The following VWC2 variants were observed in gnomAD, a reference collection of about 807,000 sequenced individuals.
VWC2 encodes the protein brorin.
VWC2 carries 14 observed loss-of-function variants against 29.8 expected under a neutral mutation model. The ratio of observed to expected loss-of-function variants is 0.47; its 90% CI spans 0.31 to 0.74. The LOEUF is 0.74. Ranked by LOEUF, VWC2 falls within the 30% of genes least tolerant of loss-of-function variation. The pLI is 0.05. For synonymous variants in VWC2, 213 were observed against 199.0 expected, an observed-to-expected ratio of 1.07 and a Z score of -0.59; for missense variants, 457 against 459.8, an observed-to-expected ratio of 0.99 and a Z score of 0.05.
intron 3 of VWC2, among the ~76,000 whole-genome samples, chr7:49,903,480 A>G (rs897304852): frequency 6.6e-6 from 1 of 152,192 alleles, no homozygotes; most frequent in Non-Finnish European, 1.5e-5. Context: ...TTAAAAGCCA[A>G]TCCCAAAGCC....
At position 49,775,966 on chromosome 7, in the gene VWC2, G is replaced by T; in HGVS notation, c.531G>T (p.Pro177=). Residue 177 remains proline, a synonymous_variant, in exon 2 of 4, where the codon CCG becomes CCT. Transcript: ENST00000340652. Reference sequence around the variant, plus strand: ...TCGCGCCGGGCCCCTCGGCCTGCCCGTGCCTGTGCACCGAGGAGGGGCCGC... The same window carrying T: ...TCGCGCCGGGCCCCTCGGCCTGCCCTTGCCTGTGCACCGAGGAGGGGCCGC... The part of the protein sequence containing the change: ...EKFAPGPSAC[P]CLCTEEGPLC... The T allele has an allele frequency of 6.5e-7, 1 of 1,550,118 alleles. No individual in the cohort carries two copies. Among genetic ancestry groups the T allele is most frequent in the Non-Finnish European group, 8.7e-7 (1 of 1,150,534 alleles).
chr7:49,922,183 A>G (rs897855018), downstream of VWC2, among the ~76,000 whole-genome samples: 1 of 152,192 alleles, frequency 6.6e-6, no homozygotes, highest in Non-Finnish European at 1.5e-5. Context: ...AGTAGCATCT[A>G]TAATATAATA....
At chr7:49,860,777 C>T (rs557905312) in intron 3 of VWC2, among the ~76,000 whole-genome samples, 1 of 152,226 alleles carries the variant, frequency 6.6e-6, no homozygotes, top group African/African-American at 2.4e-5. Flanking sequence ...AGGGTGAGGC[C>T]TTAATCTAAT....
chr7:49,888,969 T>C (rs1376984903), intron 3 of VWC2, among the ~76,000 whole-genome samples: 1 of 151,522 alleles, frequency 6.6e-6, no homozygotes, highest in Admixed American at 6.6e-5. Context: ...AGCAGACATA[T>C]GGAGGATGGA....
intron 3 of VWC2, among the ~76,000 whole-genome samples, chr7:49,872,156 T>C (rs1260747240): frequency 6.6e-6 from 1 of 151,958 alleles, no homozygotes; most frequent in Non-Finnish European, 1.5e-5. Flanking sequence ...CAGTGAAAAA[T>C]ATTTGATCAT....
rs150884885 is a variant in VWC2, at chr7:49,804,585, C to T, written c.826+1745C>T. ...AGACTAAGTCTTGGCATTAGATAGC[C>T]GGGAATCCTAGCTTGAGTGTTAACA... On this transcript the variant is annotated intron_variant, in intron 3 of 3. Transcript: ENST00000340652. 2.5e-4 allele frequency among the ~76,000 whole-genome samples: 38 copies of T among 152,194 alleles called. No homozygotes were observed. The Middle Eastern group carries it at 0.01, about 41-fold the overall frequency.
At chr7:49,903,065 C>T (rs1792862707) in intron 3 of VWC2, among the ~76,000 whole-genome samples, 1 of 152,124 alleles carries the variant, frequency 6.6e-6, no homozygotes, top group Admixed American at 6.5e-5. Flanking sequence ...CTTGAGATAT[C>T]ACTATACATC....
intron 2 of VWC2, among the ~76,000 whole-genome samples, chr7:49,799,352 C>A (rs1018081081): frequency 1.3e-5 from 2 of 152,218 alleles, no homozygotes; most frequent in African/African-American, 4.8e-5. Context: ...GTAGGGGTCC[C>A]GGAATGTCCC....
chr7:49,896,845 A>G (rs994293004), intron 3 of VWC2, among the ~76,000 whole-genome samples: 1 of 152,028 alleles, frequency 6.6e-6, no homozygotes, highest in Non-Finnish European at 1.5e-5. Flanking sequence ...ATATGAAATA[A>G]TTCGCTTGAG....
At chr7:49,873,560 T>C (rs1430888961) in intron 3 of VWC2, among the ~76,000 whole-genome samples, 1 of 152,210 alleles carries the variant, frequency 6.6e-6, no homozygotes, top group Non-Finnish European at 1.5e-5. Context: ...GAAATGATGG[T>C]GCACACAGCT....
chr7:49,861,858 T>C (rs1790663801), intron 3 of VWC2, among the ~76,000 whole-genome samples: 1 of 152,242 alleles, frequency 6.6e-6, no homozygotes, highest in Admixed American at 6.5e-5. Context: ...TTTATATGTC[T>C]GTCCTTATGC....
chr7:49,848,932 A>G (rs138951621), intron 3 of VWC2, among the ~76,000 whole-genome samples: 30 of 152,360 alleles, frequency 2.0e-4, no homozygotes, highest in African/African-American at 7.2e-4. Context: ...TAGTCTCTGT[A>G]TCTCTTATAT....
chr7:49,902,296 T>C (rs1413173570), intron 3 of VWC2, among the ~76,000 whole-genome samples: 5 of 152,002 alleles, frequency 3.3e-5, no homozygotes, highest in Non-Finnish European at 7.4e-5. Flanking sequence ...AAAAAAACTG[T>C]TGTCCTAAAT....
chr7:49,877,477 AAAAAATATATAT>A (rs1448784099), intron 3 of VWC2, among the ~76,000 whole-genome samples: 1,204 of 17,288 alleles, frequency 0.07, 167 homozygotes, highest in Admixed American at 0.27. Context: ...AAAAAAAAAA[AAAAAATATATAT>A]ATATATATAT....
At chr7:49,882,748 A>G (rs1429622013) in intron 3 of VWC2, among the ~76,000 whole-genome samples, 1 of 152,188 alleles carries the variant, frequency 6.6e-6, no homozygotes, top group Non-Finnish European at 1.5e-5. Context: ...AGAAGCACAG[A>G]CAAAATTGTA....
At chr7:49,831,068 C>T (rs1017341691) in intron 3 of VWC2, among the ~76,000 whole-genome samples, 1 of 152,098 alleles carries the variant, frequency 6.6e-6, no homozygotes, top group East Asian at 1.9e-4. Flanking sequence ...CAATACAGTG[C>T]CACGTGCTTG....
chr7:49,805,213 G>T (rs1017967078), intron 3 of VWC2, among the ~76,000 whole-genome samples: 2 of 152,140 alleles, frequency 1.3e-5, no homozygotes, highest in Non-Finnish European at 2.9e-5. Flanking sequence ...TTGTTGTCCT[G>T]ATGGTAAACT....
chr7:49,834,727 A>G (rs1789617284), intron 3 of VWC2, among the ~76,000 whole-genome samples: 1 of 152,200 alleles, frequency 6.6e-6, no homozygotes, highest in Admixed American at 6.5e-5. Flanking sequence ...TCCCAGAGTA[A>G]TATCAGACAG....
intron 3 of VWC2, among the ~76,000 whole-genome samples, chr7:49,833,049 A>C (rs1453885016): frequency 2.6e-5 from 4 of 152,228 alleles, no homozygotes; most frequent in African/African-American, 9.6e-5. Context: ...GTAAGGGCTA[A>C]AGATCAAAGG....
Sources: gnomAD v4.1 joint callset for allele counts (sites outside exome capture counted in the v4.1 genomes callset) on GRCh38, gnomAD v4.1.1 for gene constraint, MANE v1.5 for transcripts, NCBI Gene and HGNC (gene_info 2026-07-23, HGNC 2026-07-21) for gene names.